The following CSMD1 variants were observed in gnomAD, a reference collection of about 807,000 sequenced individuals.
CSMD1 encodes CUB and sushi domain-containing protein 1.
In CSMD1, 213 loss-of-function variants were observed where a neutral mutation model predicts 417.5. That is an observed-to-expected ratio of 0.51 (90% CI 0.46 to 0.57). CSMD1 has a LOEUF of 0.57. Among genes scored for constraint, CSMD1 ranks in the 20% least tolerant of loss-of-function variants. The pLI is 0.00. For synonymous variants in CSMD1, 2,862 were observed against 1,736.8 expected (o/e 1.65, Z -16.11); for missense variants, 6,923 against 4,529.7 (o/e 1.53, Z -15.17).
At chr8:4,044,778 G>A (rs1585196628) in intron 3 of CSMD1, among the ~76,000 whole-genome samples, 1 of 152,186 alleles carries the variant, frequency 6.6e-6, no homozygotes, top group South Asian at 2.1e-4. Context: ...CCCTAGCCGT[G>A]TAGCACCCTG....
At chr8:3,554,727 G>C (rs1799067716) in intron 10 of CSMD1, among the ~76,000 whole-genome samples, 1 of 152,306 alleles carries the variant, frequency 6.6e-6, no homozygotes, top group East Asian at 1.9e-4. Flanking sequence ...GAGAGCTTCA[G>C]AACTTCCACA....
At chr8:3,261,121 A>T (rs184554084) in intron 26 of CSMD1, among the ~76,000 whole-genome samples, 78 of 152,362 alleles carry the variant, frequency 5.1e-4, no homozygotes, top group African/African-American at 1.8e-3. Flanking sequence ...ATATCACTGC[A>T]TCCTTATAAG....
chr8:3,405,718 G>C (rs1006393879), intron 15 of CSMD1, among the ~76,000 whole-genome samples: 9 of 152,176 alleles, frequency 5.9e-5, no homozygotes, highest in Non-Finnish European at 1.2e-4. Flanking sequence ...TGGAGGCAGA[G>C]ATGAGGGTGA....
intron 25 of CSMD1, among the ~76,000 whole-genome samples, chr8:3,285,077 G>A (rs1472369455): frequency 5.3e-5 from 8 of 152,162 alleles, no homozygotes; most frequent in Non-Finnish European, 8.8e-5. Context: ...GAAGGGTTTA[G>A]TTGAAACACC....
chr8:4,243,129 T>G (rs964744644), intron 3 of CSMD1, among the ~76,000 whole-genome samples: 1 of 151,918 alleles, frequency 6.6e-6, no homozygotes, highest in Non-Finnish European at 1.5e-5. Context: ...ATCAGACAAA[T>G]TGAGCAGTTG....
At chr8:4,276,029 T>C (rs1420595417) in intron 3 of CSMD1, among the ~76,000 whole-genome samples, 1 of 152,204 alleles carries the variant, frequency 6.6e-6, no homozygotes, top group Admixed American at 6.6e-5. Flanking sequence ...GGTGGGAGTG[T>C]AAATTAGTTC....
At chr8:4,480,728 C>G (rs1801053842) in intron 2 of CSMD1, among the ~76,000 whole-genome samples, 1 of 152,188 alleles carries the variant, frequency 6.6e-6, no homozygotes. Context: ...GTATAGAATC[C>G]ACTTTTTTGA....
intron 23 of CSMD1, among the ~76,000 whole-genome samples, chr8:3,309,246 A>C (rs759082366): frequency 7.9e-5 from 12 of 152,102 alleles, no homozygotes; most frequent in Non-Finnish European, 1.5e-4. Flanking sequence ...GCCAGCACTT[A>C]TTCCAGCCCA....
intron 1 of CSMD1, among the ~76,000 whole-genome samples, chr8:4,914,783 C>A (rs78186724): frequency 6.6e-6 from 1 of 152,134 alleles, no homozygotes; most frequent in Non-Finnish European, 1.5e-5. Context: ...GCATGAGTTC[C>A]CATGTAACCA....
At chr8:4,960,335 T>C (rs960238461) in intron 1 of CSMD1, among the ~76,000 whole-genome samples, 4 of 152,188 alleles carry the variant, frequency 2.6e-5, no homozygotes, top group African/African-American at 9.6e-5. Flanking sequence ...TGTTCTGACA[T>C]CTTACTTAGA....
intron 42 of CSMD1, among the ~76,000 whole-genome samples, chr8:3,110,584 G>T (rs555270146): frequency 9.3e-4 from 141 of 152,144 alleles, no homozygotes; most frequent in Non-Finnish European, 1.7e-3. Context: ...ATCCCTTTAG[G>T]ATAAATTTAT....
intron 2 of CSMD1, among the ~76,000 whole-genome samples, chr8:4,614,233 G>A (rs1020124657): frequency 6.6e-6 from 1 of 152,140 alleles, no homozygotes; most frequent in African/African-American, 2.4e-5. Context: ...GCATATTGAG[G>A]AGATGGACCC....
chr8:4,420,299 A>G (rs372693937), intron 2 of CSMD1, among the ~76,000 whole-genome samples: 5 of 152,120 alleles, frequency 3.3e-5, no homozygotes, highest in Non-Finnish European at 5.9e-5. Flanking sequence ...TCTTGAAAAT[A>G]CTTACTTATA....
chr8:3,558,395 T>C (rs13276719), intron 10 of CSMD1, among the ~76,000 whole-genome samples: 13,004 of 121,996 alleles, frequency 0.11, 130 homozygotes, highest in East Asian at 0.25. Context: ...CCGTGTCCAC[T>C]TCTCCAATGA....
chr8:3,490,279 T>G (rs1258600652), intron 11 of CSMD1, among the ~76,000 whole-genome samples: 2 of 152,210 alleles, frequency 1.3e-5, no homozygotes, highest in Non-Finnish European at 2.9e-5. Flanking sequence ...CATTTACAGA[T>G]TCAAGCTATT....
chr8:4,328,667 G>A (rs141878413), intron 3 of CSMD1, among the ~76,000 whole-genome samples: 13 of 151,952 alleles, frequency 8.6e-5, no homozygotes, highest in African/African-American at 3.1e-4. Context: ...TCTTTGAAAG[G>A]CATGTCTACA....
intron 2 of CSMD1, among the ~76,000 whole-genome samples, chr8:4,545,325 A>G (rs1473103090): frequency 1.3e-5 from 2 of 152,208 alleles, no homozygotes; most frequent in African/African-American, 4.8e-5. Flanking sequence ...ACACCAGAAA[A>G]GCCCTTCATA....
intron 5 of CSMD1, among the ~76,000 whole-genome samples, chr8:3,861,575 C>G (rs1158793119): frequency 6.6e-6 from 1 of 152,064 alleles, no homozygotes; most frequent in African/African-American, 2.4e-5. Flanking sequence ...GGGAATGGCT[C>G]CTATGGTATG....
At chr8:3,005,320 T>G (rs1055187808) in intron 52 of CSMD1, among the ~76,000 whole-genome samples, 1 of 152,176 alleles carries the variant, frequency 6.6e-6, no homozygotes, top group Admixed American at 6.5e-5. Flanking sequence ...CTCTATTCTG[T>G]GTCTGATGAA....
Sources: gnomAD v4.1 joint callset for allele counts (sites outside exome capture counted in the v4.1 genomes callset) on GRCh38, gnomAD v4.1.1 for gene constraint, MANE v1.5 for transcripts, NCBI Gene and HGNC (gene_info 2026-07-23, HGNC 2026-07-21) for gene names.